MYOM3: variants seen among roughly 807,000 people sequenced by gnomAD.
MYOM3 encodes myomesin 3.
A neutral mutation model predicts 191.7 loss-of-function variants in MYOM3; 155 were observed. The observed-to-expected ratio is 0.81, with a 90% CI of 0.71 to 0.92. MYOM3 has a LOEUF of 0.92. Among genes scored for constraint, MYOM3 ranks in the 40% least tolerant of loss-of-function variants. The pLI is 0.00. For missense variants in MYOM3, 1,889 were observed against 1,890.6 expected, an observed-to-expected ratio of 1.00 and a Z score of 0.02; for synonymous variants, 757 against 762.9, an observed-to-expected ratio of 0.99 and a Z score of 0.13.
At chr1:24,092,578 C>T (rs1173566422) in intron 10 of MYOM3, among the ~76,000 whole-genome samples, 3 of 152,174 alleles carry the variant, frequency 2.0e-5, no homozygotes, top group African/African-American at 7.2e-5. Context: ...GCAGCCTTCC[C>T]CTCTTTGGAT....
chr1:24,093,161 CT>C, intron 9 of MYOM3, 53 bp from the exon 10 acceptor site: 1 of 1,330,340 alleles, frequency 7.5e-7, no homozygotes, highest in Non-Finnish European at 1.1e-6. Flanking sequence ...CTGGTCTCAC[CT>C]GGGAACCACA....
At chr1:24,088,999 A>G (rs564766508) in intron 14 of MYOM3, among the ~76,000 whole-genome samples, 47 of 152,252 alleles carry the variant, frequency 3.1e-4, no homozygotes, top group African/African-American at 1.1e-3. Flanking sequence ...CTACTCTGCC[A>G]TACTGCCCCC....
intron 20 of MYOM3, among the ~76,000 whole-genome samples, chr1:24,076,582 C>T (rs1176965541): frequency 4.3e-5 from 3 of 69,468 alleles, no homozygotes; most frequent in South Asian, 3.7e-4. Context: ...GGCGGGATCT[C>T]GGCTCATTGC....
chr1:24,076,127 G>T, intron 21 of MYOM3, 32 bp downstream of exon 21: 2 of 1,557,394 alleles, frequency 1.3e-6, no homozygotes, highest in East Asian at 2.2e-5. Context: ...GTAGCCCAGT[G>T]GCAGAGCTCT....
chr1:24,076,089 C>G (rs1395542493), intron 21 of MYOM3, 70 bp downstream of exon 21: 2 of 1,267,668 alleles, frequency 1.6e-6, no homozygotes, highest in African/African-American at 2.9e-5. Context: ...CTCCCAACTT[C>G]CCTTGAACTC....
chr1:24,086,820 A>C lies in MYOM3; in HGVS notation c.1622T>G (p.Ile541Arg). 6.2e-7 allele frequency: 1 copy of C among 1,613,904 alleles called. No homozygotes were observed. Among genetic ancestry groups the C allele is most frequent in the Admixed American group, 1.7e-5 (1 of 60,006 alleles). Residue 541 changes from isoleucine to arginine, a missense_variant, in exon 15 of 37, where the codon ATA becomes AGA. Ile to Arg is a moderately conservative substitution (Grantham distance 97). Coordinates refer to ENST00000374434, the MANE Select transcript of MYOM3 (RefSeq NM_152372.4). ...PLTYSLEKSV[I>R]GSGTWEAISS... ...GATGGCCTCCCAGGTGCCACTACCT[A>C]TGACTGACTGAAGAAACAGAGGGAC...
At chr1:24,060,993 G>T in intron 35 of MYOM3, 67 bp downstream of exon 35, 1 of 1,586,614 alleles carries the variant, frequency 6.3e-7, no homozygotes, top group South Asian at 1.1e-5. Context: ...CCACCAAGAG[G>T]GTTGAGCTTC....
intron 16 of MYOM3, chr1:24,083,933 A>G: frequency 6.4e-6 from 1 of 156,916 alleles, no homozygotes; most frequent in Non-Finnish European, 1.4e-5. Context: ...GCTTGCAGGT[A>G]GAACTAGATG....
At chr1:24,068,614 A>G (rs946040979) in intron 25 of MYOM3, among the ~76,000 whole-genome samples, 1 of 152,230 alleles carries the variant, frequency 6.6e-6, no homozygotes, top group South Asian at 2.1e-4. Context: ...GCTGGGGTGC[A>G]GTGGAGCGAT....
chr1:24,109,188 G>T (rs574018729), intron 1 of MYOM3, among the ~76,000 whole-genome samples: 1 of 152,266 alleles, frequency 6.6e-6, no homozygotes, highest in South Asian at 2.1e-4. Flanking sequence ...CTCTAGTCAT[G>T]CTTCAAACCC....
At chr1:24,078,301 G>A (rs1481781487) in intron 20 of MYOM3, among the ~76,000 whole-genome samples, 1 of 151,952 alleles carries the variant, frequency 6.6e-6, no homozygotes, top group Non-Finnish European at 1.5e-5. Context: ...TTTTTTTGTA[G>A]AAATGAGGTT....
chr1:24,069,570 T>A (rs977469264), intron 25 of MYOM3, among the ~76,000 whole-genome samples: 9 of 151,800 alleles, frequency 5.9e-5, no homozygotes, highest in African/African-American at 2.2e-4. Context: ...GATATATATA[T>A]AACACATATT....
Position 24,103,717 on chromosome 1 carries a change from G to A in MYOM3, c.560+2203C>T, listed in dbSNP as rs1258927240. On this transcript the variant is annotated intron_variant, in intron 5 of 36. Coordinates refer to ENST00000374434, the MANE Select transcript of MYOM3 (RefSeq NM_152372.4). ...CAGATAAACTCAAGTTGTAAAACAC[G>A]TTTTGCCTTGAAAAGTAAGAAATGA... Among the ~76,000 whole-genome samples the A allele has an allele frequency of 6.6e-5, 10 of 152,140 alleles. 1 individual carries two copies. The South Asian group carries it at 1.9e-3, about 28-fold the overall frequency.
At chr1:24,066,373 GA>G in intron 28 of MYOM3, 1 of 628,252 alleles carries the variant, frequency 1.6e-6, no homozygotes, top group East Asian at 2.7e-5. Context: ...AAGGCCCACA[GA>G]GACCACTTCA....
Position 24,105,988 on chromosome 1 carries a change from G to A in MYOM3, c.492C>T (p.Ala164=), listed in dbSNP as rs202193413. The part of the protein sequence containing the change: ...PWFWIPLRSH[A]VWEHTTVLLT... Reference sequence around the variant, plus strand: ...GCAGGACCGTGGTGTGCTCCCAGACGGCGTGGGAGCGAAGAGGGATCCAGA... The same window carrying A: ...GCAGGACCGTGGTGTGCTCCCAGACAGCGTGGGAGCGAAGAGGGATCCAGA... The change falls in exon 5 of 37, where the codon GCC becomes GCT. Residue 164 remains alanine, a synonymous_variant. Coordinates refer to ENST00000374434, the MANE Select transcript of MYOM3 (RefSeq NM_152372.4). The A allele has an allele frequency of 2.9e-5, 47 of 1,613,778 alleles. No individual in the cohort carries two copies. The highest frequency in any genetic ancestry group is 2.7e-5 in the African/African-American group (2 of 74,930).
chr1:24,060,294 C>G (rs976948214), intron 35 of MYOM3, among the ~76,000 whole-genome samples: 1 of 152,202 alleles, frequency 6.6e-6, no homozygotes, highest in Non-Finnish European at 1.5e-5. Flanking sequence ...CCCTCAATTG[C>G]CCCTTCCCAA....
chr1:24,073,113 G>A (rs1643551285), intron 23 of MYOM3, among the ~76,000 whole-genome samples: 1 of 152,192 alleles, frequency 6.6e-6, no homozygotes, highest in African/African-American at 2.4e-5. Context: ...TAACAATATT[G>A]TTTCAGGTGG....
intron 6 of MYOM3, 30 bp downstream of exon 6, chr1:24,099,650 T>C: frequency 6.4e-7 from 1 of 1,564,906 alleles, no homozygotes; most frequent in Non-Finnish European, 8.8e-7. Flanking sequence ...GGGTCTGGGG[T>C]CATAGGTCTC....
rs1403079718 is a variant in MYOM3, at chr1:24,082,079, G to A, written c.2202C>T (p.Tyr734=). ...CTTCCGAGTCATGCTGGTCCAGGAA[G>A]TAGCCCAGGATCTTGCCACCTCCAC... ...KRRGGGKILG[Y]FLDQHDSEEL... The change falls in exon 18 of 37, where the codon TAC becomes TAT. Residue 734 remains tyrosine (Y), a synonymous_variant. Coordinates refer to ENST00000374434, the MANE Select transcript of MYOM3 (RefSeq NM_152372.4). 1.2e-6 allele frequency: 2 copies of A among 1,612,828 alleles called. No individual in the cohort carries two copies. The highest frequency in any genetic ancestry group is 8.5e-7 in the Non-Finnish European group (1 of 1,179,870).
Sources: allele counts gnomAD v4.1 joint callset (sites outside exome capture counted in the v4.1 genomes callset), GRCh38; gene constraint gnomAD v4.1.1; transcripts MANE v1.5; gene names NCBI Gene and HGNC (gene_info 2026-07-23, HGNC 2026-07-21).